ARL15: variants seen among roughly 807,000 people sequenced by gnomAD.
ARL15 encodes ARF like GTPase 15, also known as ADP-ribosylation factor-like protein 15.
Under a neutral mutation model 25.2 loss-of-function variants are expected in ARL15, and 19 were observed. The observed-to-expected ratio is 0.75, with a 90% CI of 0.53 to 1.10. The LOEUF (loss-of-function observed/expected upper bound fraction) is 1.10, where lower values mean the gene tolerates loss of function less well. Among genes scored for constraint, ARL15 ranks in the 50% least tolerant of loss-of-function variants. The probability of loss-of-function intolerance (pLI) is 0.00; values close to 1 mark genes in which losing one functional copy is unlikely to be tolerated. For missense variants in ARL15, 220 were observed against 246.0 expected (o/e 0.89, Z 0.71); for synonymous variants, 94 against 86.8 (o/e 1.08, Z -0.46).
intron 4 of ARL15, among the ~76,000 whole-genome samples, chr5:54,099,586 T>C (rs943337358): frequency 6.6e-6 from 1 of 152,116 alleles, no homozygotes; most frequent in Admixed American, 6.6e-5. Context: ...GTGACTAAAT[T>C]AAATATTTTT....
chr5:54,071,477 C>T (rs1353500842), intron 4 of ARL15, among the ~76,000 whole-genome samples: 3 of 128,684 alleles, frequency 2.3e-5, no homozygotes, highest in Non-Finnish European at 4.7e-5. Flanking sequence ...ATTTTTTTTT[C>T]AAGTATAGAT....
chr5:54,016,629 G>A (rs1308718236), intron 4 of ARL15, among the ~76,000 whole-genome samples: 1 of 152,152 alleles, frequency 6.6e-6, no homozygotes, highest in Non-Finnish European at 1.5e-5. Context: ...TGCAAACACA[G>A]TAAAATTGTT....
intron 1 of ARL15, among the ~76,000 whole-genome samples, chr5:54,271,667 C>G (rs1374628631): frequency 6.6e-6 from 1 of 152,068 alleles, no homozygotes; most frequent in East Asian, 1.9e-4. Flanking sequence ...CAACAGAGAG[C>G]CAGGAAGTAC....
intron 3 of ARL15, among the ~76,000 whole-genome samples, chr5:54,126,921 A>G (rs988636362): frequency 6.6e-6 from 1 of 151,982 alleles, no homozygotes; most frequent in African/African-American, 2.4e-5. Flanking sequence ...ACATATGTAT[A>G]CATGTGCCAT....
chr5:54,134,796 G>T (rs1753552368), intron 3 of ARL15, among the ~76,000 whole-genome samples: 1 of 151,676 alleles, frequency 6.6e-6, no homozygotes, highest in Non-Finnish European at 1.5e-5. Flanking sequence ...TGTTGGACAG[G>T]ATGGTCTCAA....
intron 4 of ARL15, among the ~76,000 whole-genome samples, chr5:53,991,563 G>GAAAAAAAA (rs771075344): frequency 1.3e-4 from 17 of 127,926 alleles, no homozygotes; most frequent in Admixed American, 1.7e-4. Context: ...AAAAAAAAAG[G>GAAAAAAAA]GGGGGCGGGG....
At chr5:54,062,170 T>C (rs1751088868) in intron 4 of ARL15, among the ~76,000 whole-genome samples, 1 of 152,232 alleles carries the variant, frequency 6.6e-6, no homozygotes, top group Non-Finnish European at 1.5e-5. Flanking sequence ...GCATTGTACG[T>C]AGGAAGTAAC....
chr5:53,887,154 A>G (rs542704152), intron 4 of ARL15, among the ~76,000 whole-genome samples: 3 of 152,298 alleles, frequency 2.0e-5, no homozygotes, highest in East Asian at 1.9e-4. Context: ...TCAAGACTCA[A>G]TTATTTTGAC....
intron 1 of ARL15, among the ~76,000 whole-genome samples, chr5:54,184,339 A>G (rs1473952586): frequency 6.9e-6 from 1 of 144,456 alleles, no homozygotes; most frequent in Non-Finnish European, 1.5e-5. Flanking sequence ...GGTCCTGGGG[A>G]GGGTGAGGCA....
At chr5:53,907,015 A>G (rs1745267187) in intron 4 of ARL15, among the ~76,000 whole-genome samples, 1 of 152,102 alleles carries the variant, frequency 6.6e-6, no homozygotes, top group Non-Finnish European at 1.5e-5. Flanking sequence ...ATTGACAGAG[A>G]GGGGATTAAC....
chr5:54,077,871 T>G (rs1751663589), intron 4 of ARL15, among the ~76,000 whole-genome samples: 1 of 152,164 alleles, frequency 6.6e-6, no homozygotes, highest in South Asian at 2.1e-4. Flanking sequence ...TTTTACAATG[T>G]TTTTGTGAAC....
Position 54,287,511 on chromosome 5 carries a change from A to G in ARL15, c.48+22921T>C, listed in dbSNP as rs1435634107. Reference sequence around the variant, plus strand: ...AAACGGCATTCCAGATAAAAGTGAAAGCAAGAAACATCCCATAATGCGCAA... The same window carrying G: ...AAACGGCATTCCAGATAAAAGTGAAGGCAAGAAACATCCCATAATGCGCAA... On this transcript the variant is annotated intron_variant, in intron 1 of 4. Coordinates refer to ENST00000504924, the MANE Select transcript of ARL15 (RefSeq NM_019087.3). Among the ~76,000 whole-genome samples, 3 of 151,268 alleles carry G rather than the reference A, an allele frequency of 2.0e-5. No individual in the cohort carries two copies. In the East Asian group the frequency reaches 5.8e-4, roughly 29 times the overall value.
At chr5:54,041,130 C>T (rs1291855074) in intron 4 of ARL15, among the ~76,000 whole-genome samples, 1 of 152,200 alleles carries the variant, frequency 6.6e-6, no homozygotes, top group African/African-American at 2.4e-5. Flanking sequence ...AACCAATTAA[C>T]TTAGCCTCTC....
intron 1 of ARL15, among the ~76,000 whole-genome samples, chr5:54,199,688 T>A (rs1755656239): frequency 6.6e-6 from 1 of 151,518 alleles, no homozygotes; most frequent in South Asian, 2.1e-4. Flanking sequence ...ACTCTTACAC[T>A]GTTGGTGGGA....
intron 4 of ARL15, among the ~76,000 whole-genome samples, chr5:53,978,944 C>T (rs971396120): frequency 1.3e-5 from 2 of 152,160 alleles, no homozygotes; most frequent in East Asian, 1.9e-4. Flanking sequence ...CATTATCATA[C>T]AGTAAGTGGT....
chr5:54,090,700 G>A (rs1752102958), intron 4 of ARL15, among the ~76,000 whole-genome samples: 1 of 152,086 alleles, frequency 6.6e-6, no homozygotes, highest in South Asian at 2.1e-4. Context: ...AAGGAGGAGG[G>A]AGAGAGGAGG....
intron 4 of ARL15, among the ~76,000 whole-genome samples, chr5:53,965,055 C>T (rs1341036999): frequency 6.6e-6 from 1 of 152,204 alleles, no homozygotes; most frequent in Non-Finnish European, 1.5e-5. Flanking sequence ...CCAGGAAGTC[C>T]TAATTGTTAG....
chr5:54,276,902 C>T (rs569179474), intron 1 of ARL15, among the ~76,000 whole-genome samples: 17 of 152,296 alleles, frequency 1.1e-4, no homozygotes, highest in African/African-American at 4.1e-4. Context: ...CTACCCAGAA[C>T]GTCCAGAAAG....
chr5:53,957,418 G>A (rs1035899670), intron 4 of ARL15, among the ~76,000 whole-genome samples: 2 of 151,790 alleles, frequency 1.3e-5, no homozygotes, highest in African/African-American at 2.4e-5. Flanking sequence ...AACCAGCACC[G>A]AGAAGGTTTG....
Sources: allele counts gnomAD v4.1 joint callset (sites outside exome capture counted in the v4.1 genomes callset), GRCh38; gene constraint gnomAD v4.1.1; transcripts MANE v1.5; gene names NCBI Gene and HGNC (gene_info 2026-07-23, HGNC 2026-07-21).